ADH1A: variants seen among roughly 807,000 people sequenced by gnomAD.
The protein encoded by ADH1A is alcohol dehydrogenase 1A.
In ADH1A, 29 loss-of-function variants were observed where a neutral mutation model predicts 35.2. That is an observed-to-expected ratio of 0.82 (90% CI 0.61 to 1.12). The LOEUF is 1.12. Ranked by LOEUF, ADH1A falls within the 50% of genes most tolerant of loss-of-function variation. The probability of loss-of-function intolerance (pLI) is 0.00; values close to 1 mark genes in which losing one functional copy is unlikely to be tolerated. For missense variants in ADH1A, 469 were observed against 464.7 expected, an observed-to-expected ratio of 1.01 and a Z score of -0.09; for synonymous variants, 147 against 164.8, an observed-to-expected ratio of 0.89 and a Z score of 0.83.
intron 1 of ADH1A, among the ~76,000 whole-genome samples, chr4:99,288,336 G>GGTGTGTGT (rs70955994): frequency 6.7e-6 from 1 of 149,656 alleles, no homozygotes; most frequent in Non-Finnish European, 1.5e-5. Context: ...GTTAGAGTTG[G>GGTGTGTGT]GTGTGTGTGT....
intron 3 of ADH1A, among the ~76,000 whole-genome samples, chr4:99,285,131 C>A (rs1373085608): frequency 6.6e-6 from 1 of 152,076 alleles, no homozygotes; most frequent in African/African-American, 2.4e-5. Flanking sequence ...TAATTTAATC[C>A]TTAACTATAT....
chr4:99,284,362 G>T (rs1733086120), intron 5 of ADH1A, 37 bp downstream of exon 5: 2 of 1,600,134 alleles, frequency 1.2e-6, no homozygotes, highest in African/African-American at 2.7e-5. Flanking sequence ...CTGACAGTCT[G>T]CGTGTAACTG....
chr4:99,285,152 G>A (rs2110609089), intron 3 of ADH1A, among the ~76,000 whole-genome samples: 1 of 152,214 alleles, frequency 6.6e-6, no homozygotes, highest in East Asian at 1.9e-4. Context: ...AAATCTTACT[G>A]TAAGTATAAA....
At chr4:99,283,791 C>T (rs1733064438) in intron 5 of ADH1A, among the ~76,000 whole-genome samples, 1 of 152,122 alleles carries the variant, frequency 6.6e-6, no homozygotes, top group African/African-American at 2.4e-5. Flanking sequence ...AAATTTACCA[C>T]TTCTGAATAT....
At chr4:99,277,130 C>T (rs1469405170) in intron 8 of ADH1A, among the ~76,000 whole-genome samples, 2 of 151,508 alleles carry the variant, frequency 1.3e-5, no homozygotes, top group South Asian at 4.2e-4. Flanking sequence ...TTGGTCTGGT[C>T]GCATATCTAG....
Position 99,282,338 on chromosome 4 carries a change from G to T in ADH1A, c.828+8C>A, listed in dbSNP as rs762653903. 3.7e-6 allele frequency: 6 copies of T among 1,614,146 alleles called. No individual in the cohort carries two copies. Among genetic ancestry groups the T allele is most frequent in the Non-Finnish European group, 5.1e-6 (6 of 1,180,006 alleles). Reference sequence around the variant, plus strand: ...GGCAGAAATCTCAGGGCATGTCATGGTACATACCATGGTGTCAAGCCGACC... The same window carrying T: ...GGCAGAAATCTCAGGGCATGTCATGTTACATACCATGGTGTCAAGCCGACC... On this transcript the variant is annotated splice_region_variant and intron_variant, in intron 6 of 8. Coordinates refer to ENST00000209668, the MANE Select transcript of ADH1A (RefSeq NM_000667.4).
chr4:99,290,955 C>G lies in ADH1A; in HGVS notation c.-41G>C. On this transcript the variant is annotated 5_prime_UTR_variant, in exon 1 of 9. Coordinates refer to ENST00000209668, the MANE Select transcript of ADH1A (RefSeq NM_000667.4). Reference sequence around the variant, plus strand: ...TCTGCAGACCAGGAGACTGGTGAGTCCTTGTGGATTTCTTCCCTGCTCAAG... The same window carrying G: ...TCTGCAGACCAGGAGACTGGTGAGTGCTTGTGGATTTCTTCCCTGCTCAAG... 6.2e-7 allele frequency: 1 copy of G among 1,612,388 alleles called. No homozygotes were observed. The highest frequency in any genetic ancestry group is 8.5e-7 in the Non-Finnish European group (1 of 1,178,592).
At chr4:99,286,771 C>T (rs1733161901) in intron 3 of ADH1A, 79 bp downstream of exon 3, 1 of 1,580,848 alleles carries the variant, frequency 6.3e-7, no homozygotes, top group Admixed American at 1.7e-5. Context: ...TTTCGTCCCT[C>T]TTTGCCTCTG....
chr4:99,284,372 G>A (rs1733087081), intron 5 of ADH1A, 27 bp downstream of exon 5: 3 of 1,610,930 alleles, frequency 1.9e-6, no homozygotes, highest in South Asian at 1.1e-5. Context: ...GCGTGTAACT[G>A]TTTTTATCAC....
intron 1 of ADH1A, among the ~76,000 whole-genome samples, chr4:99,290,225 T>C (rs1483489270): frequency 1.3e-5 from 2 of 152,174 alleles, no homozygotes; most frequent in Admixed American, 6.5e-5. Flanking sequence ...GTGATTCAAA[T>C]TGTATTATTA....
intron 3 of ADH1A, among the ~76,000 whole-genome samples, chr4:99,285,512 A>T (rs1733125696): frequency 6.6e-6 from 1 of 152,132 alleles, no homozygotes; most frequent in South Asian, 2.1e-4. Flanking sequence ...GCATGGGTAA[A>T]AAGTAAGGGT....
In ADH1A at chr4:99,282,449, A is replaced by G. The variant is rs1251150057; in HGVS notation, c.725T>C (p.Ile242Thr). 22 of 1,613,970 alleles carry G rather than the reference A, an allele frequency of 1.4e-5. No homozygotes were observed. Among genetic ancestry groups the G allele is most frequent in the Admixed American group, 6.7e-5 (4 of 59,978 alleles). ...KAKELGATEC[I>T]NPQDYKKPIQ... The stretch of plus-strand genomic sequence containing the variant: ...GGGTTTCTTGTAGTCTTGAGGGTTG[A>G]TGCATTCAGTGGCACCCAACTCTTT... Residue 242 changes from isoleucine to threonine, a missense_variant, in exon 6 of 9, where the codon ATC (isoleucine) becomes ACC (threonine). Physicochemically the swap from Ile to Thr is moderately conservative, Grantham distance 89 (BLOSUM62 -1). Coordinates refer to ENST00000209668, the MANE Select transcript of ADH1A (RefSeq NM_000667.4).
In ADH1A at chr4:99,279,564, C is replaced by T. The variant is rs762308037; in HGVS notation, c.965G>A (p.Gly322Asp). The T allele has an allele frequency of 3.1e-6, 5 of 1,606,740 alleles. No homozygotes were observed. Among genetic ancestry groups the T allele is most frequent in the South Asian group, 1.1e-5 (1 of 88,576 alleles). The change falls in exon 8 of 9, where the codon GGC becomes GAC. Residue 322 changes from glycine (G) to aspartate (D), a missense_variant and splice_region_variant. Gly to Asp is a moderately conservative substitution (Grantham distance 94). Coordinates refer to ENST00000209668, the MANE Select transcript of ADH1A (RefSeq NM_000667.4). ...TGGGACACATTCTTTACTTTTAAAG[C>T]CTGAAAAGAAGATGGTATCATTGTT... ...GRTWKGAILG[G>D]FKSKECVPKL...
At chr4:99,279,148 T>C (rs369590213) in intron 8 of ADH1A, among the ~76,000 whole-genome samples, 18 of 152,048 alleles carry the variant, frequency 1.2e-4, no homozygotes, top group Non-Finnish European at 2.5e-4. Flanking sequence ...GCAAAGGTGA[T>C]TGTTCTCTTT....
At chr4:99,284,342 C>T (rs931219953) in intron 5 of ADH1A, 57 bp downstream of exon 5, 6 of 1,562,218 alleles carry the variant, frequency 3.8e-6, no homozygotes, top group East Asian at 2.2e-5. Flanking sequence ...CATTCCTTCC[C>T]TTTGGGTTCC....
chr4:99,282,208 G>C lies in ADH1A; in HGVS notation c.828+138C>G, dbSNP rs1309906826. ...TTCCTCATAACAATAAATTAAACAA[G>C]CCAGGTAACAAACAGATGATGGGAA... On this transcript the variant is annotated intron_variant, in intron 6 of 8. Transcript: ENST00000209668. 2.6e-6 allele frequency: 4 copies of C among 1,515,214 alleles called. No homozygotes were observed. The African/African-American group carries it at 5.5e-5, about 21-fold the overall frequency. The allele number at this position is 1,515,214 out of a possible 1,614,324, so 93.9% of individuals were successfully genotyped here.
intron 1 of ADH1A, among the ~76,000 whole-genome samples, chr4:99,288,293 T>C (rs1733206838): frequency 6.6e-6 from 1 of 152,180 alleles, no homozygotes; most frequent in African/African-American, 2.4e-5. Context: ...TAGAGACTCC[T>C]TCCAGCTTTG....
rs1733183455 is a variant in ADH1A, at chr4:99,287,492, A to G, written c.120+72T>C. 2.8e-6 allele frequency: 4 copies of G among 1,424,124 alleles called. No individual in the cohort carries two copies. In the Admixed American group the frequency reaches 7.9e-5, roughly 28 times the overall value. The allele number at this position is 1,424,124 out of a possible 1,614,324, so 88.2% of individuals were successfully genotyped here. ...CTATTTTCTGGATGATCATATAAAA[A>G]TTTGGTTGTTTCCGTTTTTTAACTT... On this transcript the variant is annotated intron_variant, in intron 2 of 8. Coordinates refer to ENST00000209668, the MANE Select transcript of ADH1A (RefSeq NM_000667.4).
intron 5 of ADH1A, 143 bp from the exon 6 acceptor site, chr4:99,282,749 A>G (rs1733039974): frequency 3.7e-6 from 5 of 1,363,784 alleles, no homozygotes; most frequent in Non-Finnish European, 3.9e-6. Flanking sequence ...TTTTAAATTC[A>G]TGGAGTTGAA....
Sources: gnomAD v4.1 joint callset for allele counts (sites outside exome capture counted in the v4.1 genomes callset) on GRCh38, gnomAD v4.1.1 for gene constraint, MANE v1.5 for transcripts, NCBI Gene and HGNC (gene_info 2026-07-23, HGNC 2026-07-21) for gene names.